ADGRB3: variants seen among roughly 807,000 people sequenced by gnomAD.
The protein encoded by ADGRB3 is adhesion G protein-coupled receptor B3.
A neutral mutation model predicts 193.4 loss-of-function variants in ADGRB3; 37 were observed. The ratio of observed to expected loss-of-function variants is 0.19; its 90% CI spans 0.15 to 0.25. The LOEUF (loss-of-function observed/expected upper bound fraction) is 0.25. Ranked by LOEUF, ADGRB3 falls within the 10% of genes least tolerant of loss-of-function variation. The probability of loss-of-function intolerance (pLI) is 1.00; values close to 1 mark genes in which losing one functional copy is unlikely to be tolerated. For synonymous variants in ADGRB3, 690 were observed against 644.2 expected (o/e 1.07, Z -1.08); for missense variants, 1,637 against 1,852.9 (o/e 0.88, Z 2.14).
At chr6:68,699,975 A>C (rs1765215483) in intron 3 of ADGRB3, among the ~76,000 whole-genome samples, 1 of 152,142 alleles carries the variant, frequency 6.6e-6, no homozygotes, top group African/African-American at 2.4e-5. Context: ...TTCCTTTATC[A>C]TAGAATAGTG....
At chr6:69,274,475 T>TCCTTCCTTCCTC (rs1057078353) in intron 20 of ADGRB3, among the ~76,000 whole-genome samples, 30 of 115,984 alleles carry the variant, frequency 2.6e-4, no homozygotes, top group African/African-American at 7.2e-4. Flanking sequence ...CTTCCTTCCT[T>TCCTTCCTTCCTC]CCTCCCTCCC....
intron 17 of ADGRB3, among the ~76,000 whole-genome samples, chr6:69,091,151 G>A (rs1421935912): frequency 2.6e-5 from 4 of 152,262 alleles, no homozygotes; most frequent in Non-Finnish European, 5.9e-5. Context: ...AGATCCTAGC[G>A]AGGTTGTGGA....
At chr6:69,019,350 T>C (rs1245277059) in intron 13 of ADGRB3, among the ~76,000 whole-genome samples, 1 of 152,052 alleles carries the variant, frequency 6.6e-6, no homozygotes, top group African/African-American at 2.4e-5. Context: ...ATATTCGTAT[T>C]CACAGATATT....
intron 15 of ADGRB3, among the ~76,000 whole-genome samples, chr6:69,060,220 TTCTC>T (rs556453350): frequency 0.011 from 1,455 of 129,616 alleles, 33 homozygotes; most frequent in Admixed American, 0.061. Context: ...CTCTCTCTCT[TTCTC>T]TCTCTCTCTC....
intron 3 of ADGRB3, among the ~76,000 whole-genome samples, chr6:68,779,056 C>T (rs577275600): frequency 6.6e-6 from 1 of 151,988 alleles, no homozygotes; most frequent in East Asian, 1.9e-4. Context: ...GAAGAGATCA[C>T]CCACTTTATT....
chr6:69,242,790 A>C (rs953293197), intron 20 of ADGRB3, among the ~76,000 whole-genome samples: 1 of 151,864 alleles, frequency 6.6e-6, no homozygotes, highest in Admixed American at 6.6e-5. Flanking sequence ...ATAAAGTGAT[A>C]TTTCCCTTTT....
rs57616226 is a variant in ADGRB3 at position 69,069,553 on chromosome 6, CAAAAAAAAAAAAA to C, written c.2437-6426_2437-6414del. Among the ~76,000 whole-genome samples, 139 of 31,788 alleles carry C rather than the reference CAAAAAAAAAAAAA, an allele frequency of 4.4e-3. 14 individuals are homozygous for C. In the East Asian group the frequency reaches 0.17, roughly 39 times the overall value. The allele number at this position is 31,788 out of a possible 152,430, so 20.9% of individuals were successfully genotyped here. A position where few individuals can be genotyped will look rare whatever the true frequency, so the allele number is the denominator to read the frequency against. Reference sequence around the variant, plus strand: ...TGAAACCCCGTCTCTACTAAAAATACAAAAAAAAAAAAAAAAAAAAAAAAAAAATTATCCGGAC... The same window carrying C: ...TGAAACCCCGTCTCTACTAAAAATACAAAAAAAAAAAAAAATTATCCGGAC... On this transcript the variant is annotated intron_variant, in intron 16 of 31. Coordinates refer to ENST00000370598, the MANE Select transcript of ADGRB3 (RefSeq NM_001704.3).
chr6:69,197,316 A>G (rs1363370331), intron 17 of ADGRB3, among the ~76,000 whole-genome samples: 1 of 152,076 alleles, frequency 6.6e-6, no homozygotes, highest in East Asian at 1.9e-4. Context: ...TATATATGGT[A>G]AGTGTTTATA....
rs576036818 is a variant in ADGRB3, at chr6:69,114,137, A to T, written c.2480+38099A>T. Among the ~76,000 whole-genome samples, 48 of 152,286 alleles carry T rather than the reference A, an allele frequency of 3.2e-4. 1 individual carries two copies. In the South Asian group the frequency reaches 9.9e-3, roughly 32 times the overall value. On this transcript the variant is annotated intron_variant, in intron 17 of 31. Transcript: ENST00000370598. ...TCACTGAATACTCACCCTATCCCAGACATGTCCTAAGTCCTTCACATTTAA... is the reference window on the plus strand; with the variant it reads ...TCACTGAATACTCACCCTATCCCAGTCATGTCCTAAGTCCTTCACATTTAA...
intron 13 of ADGRB3, among the ~76,000 whole-genome samples, chr6:69,031,284 C>G (rs1032330522): frequency 6.6e-5 from 10 of 151,318 alleles, no homozygotes; most frequent in African/African-American, 2.4e-4. Context: ...ACTAAAAATA[C>G]AAAAATTTAA....
At chr6:69,160,728 G>A (rs1366253382) in intron 17 of ADGRB3, among the ~76,000 whole-genome samples, 2 of 152,024 alleles carry the variant, frequency 1.3e-5, no homozygotes, top group African/African-American at 4.8e-5. Context: ...TGTAATATCT[G>A]TAATGTTTAT....
chr6:68,993,990 G>A (rs771983108), intron 11 of ADGRB3, 28 bp downstream of exon 11: 2 of 1,602,120 alleles, frequency 1.2e-6, no homozygotes, highest in Non-Finnish European at 1.7e-6. Context: ...GTGAAGGAAA[G>A]GGCTAGTGAA....
chr6:69,131,539 C>G (rs1390995880), intron 17 of ADGRB3, among the ~76,000 whole-genome samples: 1 of 152,082 alleles, frequency 6.6e-6, no homozygotes, highest in Non-Finnish European at 1.5e-5. Flanking sequence ...GTGGCAAATA[C>G]TGTATACTAA....
chr6:68,706,854 A>G (rs1466490298), intron 3 of ADGRB3, among the ~76,000 whole-genome samples: 2 of 152,106 alleles, frequency 1.3e-5, no homozygotes, highest in East Asian at 3.9e-4. Flanking sequence ...GCTCACGCCT[A>G]TAATCCCAGC....
intron 5 of ADGRB3, 70 bp from the exon 6 acceptor site, chr6:68,943,760 A>G: frequency 5.9e-6 from 8 of 1,366,096 alleles, no homozygotes; most frequent in Non-Finnish European, 7.8e-6. Flanking sequence ...TTGCTTTTTA[A>G]TTATAAAGAA....
At chr6:68,853,286 C>G (rs1300542481) in intron 3 of ADGRB3, among the ~76,000 whole-genome samples, 2 of 151,832 alleles carry the variant, frequency 1.3e-5, no homozygotes, top group Non-Finnish European at 2.9e-5. Context: ...CAGAAAAAAC[C>G]AATTAACATC....
intron 13 of ADGRB3, among the ~76,000 whole-genome samples, chr6:69,026,349 T>A (rs1770432819): frequency 6.6e-6 from 1 of 152,030 alleles, no homozygotes; most frequent in Admixed American, 6.6e-5. Context: ...GAGCATGAGA[T>A]GCAGTGATAT....
intron 3 of ADGRB3, among the ~76,000 whole-genome samples, chr6:68,719,734 CT>C (rs549215255): frequency 2.6e-5 from 4 of 151,184 alleles, no homozygotes; most frequent in African/African-American, 7.3e-5. Flanking sequence ...TCACAAAAAC[CT>C]TTTTTTTAGT....
At chr6:69,059,378 C>T (rs973216400) in intron 15 of ADGRB3, among the ~76,000 whole-genome samples, 2 of 152,024 alleles carry the variant, frequency 1.3e-5, no homozygotes, top group Non-Finnish European at 2.9e-5. Context: ...TTGTAGACAA[C>T]TGAATTGTAT....
Sources: gnomAD v4.1 joint callset for allele counts (sites outside exome capture counted in the v4.1 genomes callset) on GRCh38, gnomAD v4.1.1 for gene constraint, MANE v1.5 for transcripts, NCBI Gene and HGNC (gene_info 2026-07-23, HGNC 2026-07-21) for gene names.